Variants in AKAP13 observed in about 807,000 individuals in gnomAD.
AKAP13 encodes the protein A-kinase anchor protein 13.
Under a neutral mutation model 264.5 loss-of-function variants are expected in AKAP13, and 80 were observed. The observed-to-expected ratio is 0.30, with a 90% confidence interval of 0.25 to 0.36. AKAP13 has a LOEUF of 0.36. Among genes scored for constraint, AKAP13 ranks in the 10% least tolerant of loss-of-function variants. The probability of loss-of-function intolerance (pLI) is 1.00; values close to 1 mark genes in which losing one functional copy is unlikely to be tolerated. For missense variants in AKAP13, 3,712 were observed against 3,435.2 expected, an observed-to-expected ratio of 1.08 and a Z score of -2.01; for synonymous variants, 1,380 against 1,250.2, an observed-to-expected ratio of 1.10 and a Z score of -2.19.
chr15:85,602,136 A>C (rs1425156995), intron 8 of AKAP13, among the ~76,000 whole-genome samples: 1 of 151,984 alleles, frequency 6.6e-6, no homozygotes, highest in Non-Finnish European at 1.5e-5. Context: ...ATTGACAAAC[A>C]GTAGGTTCTT....
intron 8 of AKAP13, among the ~76,000 whole-genome samples, chr15:85,622,681 T>A (rs1235874180): frequency 6.6e-6 from 1 of 152,196 alleles, no homozygotes; most frequent in Non-Finnish European, 1.5e-5. Context: ...ACATTCCTAC[T>A]CTTTGTCTCA....
intron 33 of AKAP13, among the ~76,000 whole-genome samples, chr15:85,738,375 G>A (rs2088695853): frequency 6.6e-6 from 1 of 151,772 alleles, no homozygotes; most frequent in Non-Finnish European, 1.5e-5. Context: ...CTGGACAAGA[G>A]TGAAACTCCG....
intron 2 of AKAP13, among the ~76,000 whole-genome samples, chr15:85,489,952 C>T (rs987529947): frequency 1.3e-5 from 2 of 152,214 alleles, no homozygotes; most frequent in South Asian, 2.1e-4. Context: ...CTTGGTTTTC[C>T]TGTCTGTTAG....
At chr15:85,652,613 A>G (rs1344436290) in intron 10 of AKAP13, among the ~76,000 whole-genome samples, 1 of 152,182 alleles carries the variant, frequency 6.6e-6, no homozygotes, top group Non-Finnish European at 1.5e-5. Flanking sequence ...GCTGTAACAA[A>G]TTACTGGAAG....
intron 5 of AKAP13, among the ~76,000 whole-genome samples, chr15:85,552,729 G>A (rs1449452045): frequency 6.8e-6 from 1 of 147,370 alleles, no homozygotes; most frequent in Admixed American, 6.9e-5. Flanking sequence ...CCGGGTTCAA[G>A]TGATTCTTTT....
intron 1 of AKAP13, among the ~76,000 whole-genome samples, chr15:85,460,128 G>A (rs992839373): frequency 2.0e-4 from 30 of 152,078 alleles, no homozygotes; most frequent in African/African-American, 6.3e-4. Flanking sequence ...ACTTTTAATG[G>A]CTTCCCATTG....
At chr15:85,632,236 T>C (rs2081870441) in intron 8 of AKAP13, among the ~76,000 whole-genome samples, 1 of 152,142 alleles carries the variant, frequency 6.6e-6, no homozygotes, top group South Asian at 2.1e-4. Flanking sequence ...AGCATCACCT[T>C]CTCGTTGGTT....
intron 10 of AKAP13, among the ~76,000 whole-genome samples, chr15:85,654,204 A>T (rs1226793180): frequency 6.6e-6 from 1 of 152,244 alleles, no homozygotes; most frequent in Non-Finnish European, 1.5e-5. Context: ...AATGAGAAAA[A>T]TGTATAGCTT....
At chr15:85,717,113 G>A (rs1048727098) in intron 20 of AKAP13, 177 bp from the exon 21 acceptor site, 8 of 519,116 alleles carry the variant, frequency 1.5e-5, no homozygotes, top group African/African-American at 6.0e-5. Flanking sequence ...AAATGCTCCC[G>A]ACTTTGTTAC....
Position 85,734,696 on chromosome 15 carries a change from T to A in AKAP13, c.7283-296T>A, listed in dbSNP as rs2088311605. Among the ~76,000 whole-genome samples the A allele has an allele frequency of 1.3e-5, 2 of 152,234 alleles. 1 individual carries two copies. Among genetic ancestry groups the A allele is most frequent in the Admixed American group, 1.3e-4 (2 of 15,290 alleles). On this transcript the variant is annotated intron_variant, in intron 30 of 36. Transcript: ENST00000394518. ...TTCCAGGGAATATCTTCTGTCTGCT[T>A]TGGATATGATTCCAGAAGCCATGTC...
chr15:85,388,358 T>C (rs1796236701), intron 1 of AKAP13, among the ~76,000 whole-genome samples: 1 of 152,188 alleles, frequency 6.6e-6, no homozygotes, highest in Non-Finnish European at 1.5e-5. Flanking sequence ...TTTCTTTTTG[T>C]TACTTTGCTG....
chr15:85,404,592 C>T (rs1267667074), intron 1 of AKAP13, among the ~76,000 whole-genome samples: 2 of 152,202 alleles, frequency 1.3e-5, no homozygotes, highest in Non-Finnish European at 2.9e-5. Context: ...ATGTTTCCTA[C>T]ATAAACCCTG....
At chr15:85,600,447 G>T (rs2080008370) in intron 8 of AKAP13, among the ~76,000 whole-genome samples, 1 of 151,920 alleles carries the variant, frequency 6.6e-6, no homozygotes, top group South Asian at 2.1e-4. Context: ...AGTACGAATT[G>T]TTAAATATTT....
chr15:85,735,519 T>C (rs761670185), intron 31 of AKAP13, 41 bp from the exon 32 acceptor site: 1 of 1,579,908 alleles, frequency 6.3e-7, no homozygotes, highest in African/African-American at 1.4e-5. Flanking sequence ...CTAATCTGTT[T>C]CACAACTTTA....
chr15:85,629,763 C>CGTTTTTTTTTTTT (rs1567164100), intron 8 of AKAP13, among the ~76,000 whole-genome samples: 3 of 76,146 alleles, frequency 3.9e-5, no homozygotes, highest in Non-Finnish European at 2.9e-5. Context: ...TCCTTTACAG[C>CGTTTTTTTTTTTT]CTTTTTTTTT....
chr15:85,467,093 C>T (rs1052830124), intron 1 of AKAP13, among the ~76,000 whole-genome samples: 1 of 152,064 alleles, frequency 6.6e-6, no homozygotes, highest in African/African-American at 2.4e-5. Flanking sequence ...CACACACACA[C>T]ACACACACGT....
intron 8 of AKAP13, among the ~76,000 whole-genome samples, chr15:85,622,190 T>C (rs1221479145): frequency 6.6e-6 from 1 of 152,200 alleles, no homozygotes; most frequent in African/African-American, 2.4e-5. Context: ...AAGTACAAAC[T>C]GTTATAATTG....
At chr15:85,644,806 C>G (rs568708413) in intron 9 of AKAP13, among the ~76,000 whole-genome samples, 2 of 151,620 alleles carry the variant, frequency 1.3e-5, no homozygotes, top group South Asian at 4.2e-4. Flanking sequence ...GCGGAAGTTG[C>G]AAAAACTTAT....
intron 1 of AKAP13, among the ~76,000 whole-genome samples, chr15:85,427,945 T>C (rs1368289334): frequency 6.6e-6 from 1 of 152,152 alleles, no homozygotes; most frequent in Non-Finnish European, 1.5e-5. Context: ...TAGTCCTGGA[T>C]CACCAGTTTT....
Sources: allele counts gnomAD v4.1 joint callset (sites outside exome capture counted in the v4.1 genomes callset), GRCh38; gene constraint gnomAD v4.1.1; transcripts MANE v1.5; gene names NCBI Gene and HGNC (gene_info 2026-07-23, HGNC 2026-07-21).